The following KSR2 variants were observed in gnomAD, a reference collection of about 807,000 sequenced individuals.
The protein encoded by KSR2 is kinase suppressor of ras 2.
KSR2 carries 25 observed loss-of-function variants against 107.8 expected under a neutral mutation model. The observed-to-expected ratio is 0.23, with a 90% confidence interval of 0.17 to 0.32. The LOEUF is 0.32. KSR2 is among the 10% of genes least tolerant of loss of function. The probability of loss-of-function intolerance (pLI) is 1.00; values close to 1 mark genes in which losing one functional copy is unlikely to be tolerated. For missense variants in KSR2, 887 were observed against 1,268.9 expected (o/e 0.70, Z 4.57); for synonymous variants, 480 against 507.0 (o/e 0.95, Z 0.71).
intron 9 of KSR2, among the ~76,000 whole-genome samples, chr12:117,542,423 A>G (rs928369884): frequency 3.2e-5 from 3 of 95,150 alleles, no homozygotes; most frequent in African/African-American, 1.0e-4. Context: ...TGTTTCCCTT[A>G]CTCAGTTTTC....
intron 7 of KSR2, among the ~76,000 whole-genome samples, chr12:117,568,666 A>AAGTGTTTAGCAAAATGTCTGGCACCTG (rs1224447365): frequency 6.6e-6 from 1 of 152,038 alleles, no homozygotes; most frequent in Non-Finnish European, 1.5e-5. Context: ...CATGCATGTA[A>AAGTGTTTAGCAAAATGTCTGGCACCTG]AGTGTTTAGC....
At chr12:117,857,780 G>C (rs1446756659) in intron 2 of KSR2, among the ~76,000 whole-genome samples, 1 of 152,208 alleles carries the variant, frequency 6.6e-6, no homozygotes, top group Non-Finnish European at 1.5e-5. Flanking sequence ...CACACAGCAA[G>C]TCATTGGTGG....
At chr12:117,532,975 C>A (rs184630093) in intron 10 of KSR2, among the ~76,000 whole-genome samples, 234 of 152,246 alleles carry the variant, frequency 1.5e-3, no homozygotes, top group African/African-American at 5.3e-3. Context: ...GAAGCTGATC[C>A]TCTAGGGTCA....
intron 14 of KSR2, among the ~76,000 whole-genome samples, chr12:117,487,921 G>T (rs545744465): frequency 6.6e-6 from 1 of 152,214 alleles, no homozygotes; most frequent in East Asian, 1.9e-4. Context: ...AAATAACCCT[G>T]ATATGGTTTG....
intron 4 of KSR2, among the ~76,000 whole-genome samples, chr12:117,709,360 G>T (rs1022199328): frequency 6.6e-6 from 1 of 152,200 alleles, no homozygotes; most frequent in East Asian, 1.9e-4. Flanking sequence ...CTGAGACAGG[G>T]TCTCACTCCA....
chr12:117,643,843 A>C lies in KSR2; in HGVS notation c.1171+23631T>G, dbSNP rs140034581. 2.0e-3 allele frequency among the ~76,000 whole-genome samples: 311 copies of C among 152,334 alleles called. 2 individuals are homozygous for C. Among genetic ancestry groups the C allele is most frequent in the African/African-American group, 7.1e-3 (296 of 41,570 alleles). On this transcript the variant is annotated intron_variant, in intron 5 of 19. Coordinates refer to ENST00000339824, the MANE Select transcript of KSR2 (RefSeq NM_173598.6). Reference sequence around the variant, plus strand: ...AACCGCCAGAGCCTCCTCTCACTCTAAATCTTAGGTATGGGCTTGACAATT... The same window carrying C: ...AACCGCCAGAGCCTCCTCTCACTCTCAATCTTAGGTATGGGCTTGACAATT...
intron 4 of KSR2, among the ~76,000 whole-genome samples, chr12:117,735,893 A>G (rs912060968): frequency 6.6e-6 from 1 of 152,212 alleles, no homozygotes; most frequent in Admixed American, 6.5e-5. Flanking sequence ...GACAGAATTT[A>G]GGGCTTTGGG....
At chr12:117,942,050 G>A (rs953201084) in intron 1 of KSR2, among the ~76,000 whole-genome samples, 70 of 152,036 alleles carry the variant, frequency 4.6e-4, no homozygotes, top group Middle Eastern at 6.8e-3. Context: ...GCCACTTCTA[G>A]GTATATTTCT....
chr12:117,726,844 C>A (rs201357175), intron 4 of KSR2, among the ~76,000 whole-genome samples: 3 of 151,666 alleles, frequency 2.0e-5, no homozygotes, highest in East Asian at 1.9e-4. Flanking sequence ...ACAACAACAA[C>A]AAAAAAAACT....
At chr12:117,717,712 T>TGTGTGTGCGCGCGC (rs1209120329) in intron 4 of KSR2, among the ~76,000 whole-genome samples, 2 of 137,060 alleles carry the variant, frequency 1.5e-5, no homozygotes, top group African/African-American at 5.2e-5. Flanking sequence ...TGTGTGTGTG[T>TGTGTGTGCGCGCGC]GCATGCGCGC....
chr12:117,626,213 G>A (rs551105264), intron 5 of KSR2, among the ~76,000 whole-genome samples: 3 of 151,834 alleles, frequency 2.0e-5, no homozygotes, highest in African/African-American at 7.3e-5. Context: ...TTTCAGTTCT[G>A]CTCTGATCTT....
intron 9 of KSR2, among the ~76,000 whole-genome samples, chr12:117,544,219 A>C (rs1343115185): frequency 6.6e-6 from 1 of 152,142 alleles, no homozygotes; most frequent in Non-Finnish European, 1.5e-5. Flanking sequence ...CAAGCCCTAT[A>C]CATGTTTTAT....
intron 14 of KSR2, among the ~76,000 whole-genome samples, chr12:117,516,894 T>C (rs956348683): frequency 3.3e-5 from 5 of 152,202 alleles, no homozygotes; most frequent in Non-Finnish European, 5.9e-5. Flanking sequence ...CCCACTGTTT[T>C]CCTCCTGGGA....
At chr12:117,817,879 T>A (rs1312705135) in intron 3 of KSR2, among the ~76,000 whole-genome samples, 1 of 152,128 alleles carries the variant, frequency 6.6e-6, no homozygotes, top group African/African-American at 2.4e-5. Flanking sequence ...GGCAGGTGGA[T>A]CACTTGAGGT....
intron 1 of KSR2, among the ~76,000 whole-genome samples, chr12:117,905,956 T>TATTC (rs1280533057): frequency 1.3e-5 from 2 of 151,782 alleles, no homozygotes; most frequent in South Asian, 2.1e-4. Flanking sequence ...TACTAGTTAA[T>TATTC]ATTCATTCAT....
chr12:117,623,387 G>A (rs1056292518), intron 5 of KSR2, among the ~76,000 whole-genome samples: 24 of 150,740 alleles, frequency 1.6e-4, no homozygotes, highest in South Asian at 4.2e-4. Context: ...CCCCAGCCCC[G>A]CACCCCGATA....
At chr12:117,860,507 C>G in intron 1 of KSR2, 76 bp from the exon 2 acceptor site, 3 of 1,411,900 alleles carry the variant, frequency 2.1e-6, no homozygotes, top group East Asian at 5.0e-5. Flanking sequence ...GAACCCCCTA[C>G]GAACCCCCAC....
chr12:117,590,439 G>GTTTCTCCTAA (rs993028017), intron 5 of KSR2, among the ~76,000 whole-genome samples: 1 of 152,138 alleles, frequency 6.6e-6, no homozygotes, highest in Middle Eastern at 3.2e-3. Context: ...CTGAGGCTCG[G>GTTTCTCCTAA]TTTCTCCTAT....
chr12:117,527,302 G>GACACACACACACACACACAC (rs754390805), intron 12 of KSR2, among the ~76,000 whole-genome samples, 183 bp from the exon 13 acceptor site: 1 of 67,678 alleles, frequency 1.5e-5, no homozygotes, highest in African/African-American at 4.7e-5. Flanking sequence ...CACACACACA[G>GACACACACACACACACACAC]ACACACACAC....
Sources: allele counts gnomAD v4.1 joint callset (sites outside exome capture counted in the v4.1 genomes callset), GRCh38; gene constraint gnomAD v4.1.1; transcripts MANE v1.5; gene names NCBI Gene and HGNC (gene_info 2026-07-23, HGNC 2026-07-21).